Variants in HSPA12A observed in about 807,000 individuals in gnomAD.
HSPA12A encodes the protein heat shock 70 kDa protein 12A.
A neutral mutation model predicts 69.2 loss-of-function variants in HSPA12A; 28 were observed. The ratio of observed to expected loss-of-function variants is 0.40; its 90% CI spans 0.30 to 0.55. HSPA12A has a LOEUF of 0.55. Ranked by LOEUF, HSPA12A falls within the 20% of genes least tolerant of loss-of-function variation. The pLI, the probability that HSPA12A is intolerant of heterozygous loss-of-function variation, is 0.38. For missense variants in HSPA12A, 686 were observed against 900.7 expected, an observed-to-expected ratio of 0.76 and a Z score of 3.05; for synonymous variants, 345 against 370.5, an observed-to-expected ratio of 0.93 and a Z score of 0.79.
chr10:116,697,858 G>A (rs568339420), intron 5 of HSPA12A, among the ~76,000 whole-genome samples: 63 of 71,624 alleles, frequency 8.8e-4, no homozygotes, highest in African/African-American at 4.6e-3. Flanking sequence ...GCCCTGCGCA[G>A]AAAAAGTCTC....
intron 2 of HSPA12A, among the ~76,000 whole-genome samples, chr10:116,782,671 G>A (rs1844489157): frequency 6.6e-6 from 1 of 152,184 alleles, no homozygotes; most frequent in African/African-American, 2.4e-5. Context: ...TTCAGGTAGG[G>A]CTCATAGACA....
chr10:116,833,688 A>G (rs1052574972), intron 2 of HSPA12A, among the ~76,000 whole-genome samples: 3 of 152,120 alleles, frequency 2.0e-5, no homozygotes, highest in South Asian at 2.1e-4. Flanking sequence ...TGTTTTCACT[A>G]TGGTCTTTTA....
intron 2 of HSPA12A, among the ~76,000 whole-genome samples, chr10:116,761,024 AG>A (rs201981043): frequency 2.7e-5 from 4 of 148,268 alleles, no homozygotes; most frequent in African/African-American, 9.8e-5. Context: ...TTAAAAAAAA[AG>A]AAAAAAGTAA....
intron 2 of HSPA12A, among the ~76,000 whole-genome samples, chr10:116,814,482 G>T (rs1845259424): frequency 6.6e-6 from 1 of 152,188 alleles, no homozygotes; most frequent in Non-Finnish European, 1.5e-5. Context: ...CACCAAAGAT[G>T]AACTTTTTCC....
chr10:116,808,671 G>A (rs1349533728), intron 2 of HSPA12A, among the ~76,000 whole-genome samples: 2 of 152,094 alleles, frequency 1.3e-5, no homozygotes, highest in African/African-American at 2.4e-5. Context: ...ATGGTCTGGC[G>A]TAATTATGGC....
intron 2 of HSPA12A, among the ~76,000 whole-genome samples, chr10:116,752,752 C>T (rs1851801965): frequency 6.6e-6 from 1 of 152,228 alleles, no homozygotes; most frequent in African/African-American, 2.4e-5. Flanking sequence ...CATCTACCCT[C>T]TCTGATTCAC....
At chr10:116,806,993 G>A (rs1845082525) in intron 2 of HSPA12A, among the ~76,000 whole-genome samples, 1 of 152,238 alleles carries the variant, frequency 6.6e-6, no homozygotes. Context: ...GTAGAGGAGA[G>A]GAGAGGGTGA....
rs11197800 is a variant in HSPA12A, at chr10:116,699,330, G to C, written c.442-591C>G. Among the ~76,000 whole-genome samples the C allele has an allele frequency of 9.9e-3, 1,508 of 152,302 alleles. 8 individuals are homozygous for C. Among genetic ancestry groups the C allele is most frequent in the Non-Finnish European group, 0.017 (1,134 of 68,016 alleles). ...AAAAGTGAAAGCAGCTGCTGAGTGTGGTCCCAGAGAGAGGATGCTCTGCAG... is the reference window on the plus strand; with the variant it reads ...AAAAGTGAAAGCAGCTGCTGAGTGTCGTCCCAGAGAGAGGATGCTCTGCAG... On this transcript the variant is annotated intron_variant, in intron 4 of 11. Transcript: ENST00000369209.
intron 2 of HSPA12A, chr10:116,828,755 A>G (rs971304977): frequency 1.3e-5 from 2 of 152,222 alleles, no homozygotes; most frequent in Non-Finnish European, 2.9e-5. Context: ...AGGACACACA[A>G]AGGCACACTT....
chr10:116,715,578 C>A (rs574508288), intron 1 of HSPA12A, among the ~76,000 whole-genome samples: 1 of 152,296 alleles, frequency 6.6e-6, no homozygotes, highest in South Asian at 2.1e-4. Flanking sequence ...AGGTTGGCCA[C>A]AAGTTGATAA....
rs564555958 is a variant in HSPA12A, at chr10:116,778,123, G to T, written c.91+56812C>A. 6.6e-4 allele frequency among the ~76,000 whole-genome samples: 101 copies of T among 152,272 alleles called. 2 individuals are homozygous for T. Among genetic ancestry groups the T allele is most frequent in the African/African-American group, 2.4e-3 (98 of 41,552 alleles). On this transcript the variant is annotated intron_variant, in intron 2 of 12. Coordinates refer to the HSPA12A transcript ENST00000635765. ...TCTCAGGAGGAGCCGCACATCATTG[G>T]GGGGGCCTTGGTTGGCCACAGCAGC... is the stretch of plus-strand genomic sequence containing the variant.
rs1217965322 is a variant in HSPA12A, at chr10:116,686,583, C to A, written c.664-2621G>T. Among the ~76,000 whole-genome samples, 1 of 152,178 alleles carries A rather than the reference C, an allele frequency of 6.6e-6. No homozygotes were observed. Among genetic ancestry groups the A allele is most frequent in the Admixed American group, 6.5e-5 (1 of 15,278 alleles). Reference sequence around the variant, plus strand: ...AGACGCTACATTACGGTTACCATGTCCCACTGGGATGTCAGCCTGCCAGGT... The same window carrying A: ...AGACGCTACATTACGGTTACCATGTACCACTGGGATGTCAGCCTGCCAGGT... On this transcript the variant is annotated intron_variant, in intron 6 of 11. Coordinates refer to ENST00000369209, the MANE Select transcript of HSPA12A (RefSeq NM_025015.3). The surrounding 1 kb of genome is among the most constrained non-coding windows in gnomAD (Gnocchi z 4.1).
At chr10:116,831,199 T>C (rs888328907) in intron 2 of HSPA12A, 1 of 152,208 alleles carries the variant, frequency 6.6e-6, no homozygotes, top group Non-Finnish European at 1.5e-5. Flanking sequence ...GAAACCATCA[T>C]TGTTACCACT....
At chr10:116,745,683 A>T (rs1410595442), upstream of HSPA12A, among the ~76,000 whole-genome samples, 3 of 151,972 alleles carry the variant, frequency 2.0e-5, no homozygotes, top group Non-Finnish European at 4.4e-5. Flanking sequence ...ATTCTCCTCT[A>T]GTTTTGCCAG....
intron 2 of HSPA12A, among the ~76,000 whole-genome samples, chr10:116,787,940 T>C (rs993414428): frequency 6.6e-6 from 1 of 151,740 alleles, no homozygotes; most frequent in Admixed American, 6.6e-5. Context: ...TGGTCTATGG[T>C]GGAAGTTGGG....
At chr10:116,825,815 A>G (rs1845491645) in intron 2 of HSPA12A, among the ~76,000 whole-genome samples, 1 of 152,220 alleles carries the variant, frequency 6.6e-6, no homozygotes, top group African/African-American at 2.4e-5. Flanking sequence ...ATATATTAAA[A>G]ATCATTGAAT....
Position 116,675,332 on chromosome 10 carries a change from C to T in HSPA12A, c.1477G>A (p.Ala493Thr). The T allele has an allele frequency of 6.2e-7, 1 of 1,613,128 alleles. No individual in the cohort carries two copies. Among genetic ancestry groups the T allele is most frequent in the African/African-American group, 1.3e-5 (1 of 75,064 alleles). Residue 493 changes from alanine to threonine, a missense_variant, in exon 12 of 12, where the codon GCG becomes ACG. Ala to Thr is a moderately conservative substitution (Grantham distance 58). Transcript: ENST00000369209. This position sits in a 1 kb window ranked among gnomAD's most constrained non-coding sequence, Gnocchi z 5.2. ...TGGTCCCCAAAAGCAGCCTGCACCGCCTGCTGCAGCAGGGGCGCCTCGGCA... is the reference window on the plus strand; with the variant it reads ...TGGTCCCCAAAAGCAGCCTGCACCGTCTGCTGCAGCAGGGGCGCCTCGGCA... ...GFAEAPLLQQ[A>T]VQAAFGDQCR... is the part of the protein sequence containing the mutation.
At chr10:116,677,901 C>G (rs1849285218) in intron 10 of HSPA12A, among the ~76,000 whole-genome samples, 1 of 152,068 alleles carries the variant, frequency 6.6e-6, no homozygotes, top group South Asian at 2.1e-4. Flanking sequence ...CTTAAATCCT[C>G]AAATTCCTAA....
intron 2 of HSPA12A, among the ~76,000 whole-genome samples, chr10:116,826,774 G>C (rs535575578): frequency 1.3e-5 from 2 of 152,288 alleles, no homozygotes; most frequent in African/African-American, 4.8e-5. Flanking sequence ...ATGAATGGGG[G>C]ACTATGTGGC....
Sources: gnomAD v4.1 joint callset for allele counts (sites outside exome capture counted in the v4.1 genomes callset) on GRCh38, gnomAD v4.1.1 for gene constraint, Gnocchi (gnomAD v3.1) non-coding constraint, MANE v1.5 for transcripts, NCBI Gene and HGNC (gene_info 2026-07-23, HGNC 2026-07-21) for gene names.